SPANXN3: variants seen among roughly 807,000 people sequenced by gnomAD.
The protein encoded by SPANXN3 is sperm protein associated with the nucleus on the X chromosome N3.
In SPANXN3, 1 loss-of-function variant was observed where a neutral mutation model predicts 1.9. That is an observed-to-expected ratio of 0.54 (90% confidence interval 0.19 to 2.54). SPANXN3 has a LOEUF of 2.54. Among genes scored for constraint, SPANXN3 ranks in the 30% most tolerant of loss-of-function variants. SPANXN3 has a pLI of 0.24. For missense variants in SPANXN3, 113 were observed against 96.2 expected (o/e 1.17, Z -0.73); for synonymous variants, 47 against 40.0 (o/e 1.17, Z -0.66).
In SPANXN3 at chrX:143,508,893, G is replaced by T. The variant is rs782433180; in HGVS notation, c.348C>A (p.Asp116Glu). 2 of 1,210,093 alleles carry T rather than the reference G, an allele frequency of 1.7e-6. No individual in the cohort carries two copies. The highest frequency in any genetic ancestry group is 2.2e-6 in the Non-Finnish European group (2 of 895,150). The stretch of plus-strand genomic sequence containing the variant: ...CCTCCTGTGAGGATCCTTCAGATGA[G>T]TCTAGATCTTTGTCCTCCTTTGAAG... Reference protein sequence around the residue: ...EGPSKEDKDLDSSEGSSQEDE... With the variant: ...EGPSKEDKDLESSEGSSQEDE... Residue 116 changes from aspartate to glutamate, a missense_variant, in exon 2 of 2, where the codon GAC becomes GAA. Coordinates refer to ENST00000370503, the MANE Select transcript of SPANXN3 (RefSeq NM_001009609.4).
In SPANXN3 at chrX:143,508,971, G is replaced by T; in HGVS notation, c.270C>A (p.Asp90Glu). ...CCTCATTTGAAGATCCTTCAGATAAGTCTACGCCTTCGTCCTCCTCCTTTT... is the reference window on the plus strand; with the variant it reads ...CCTCATTTGAAGATCCTTCAGATAATTCTACGCCTTCGTCCTCCTCCTTTT... ...PIQKEEDEGV[D>E]LSEGSSNEDE... The change falls in exon 2 of 2, where the codon GAC (aspartate) becomes GAA (glutamate). Residue 90 changes from aspartate (D) to glutamate (E), a missense_variant. Transcript: ENST00000370503. The T allele has an allele frequency of 8.3e-7, 1 of 1,212,064 alleles. No individual in the cohort carries two copies. Among genetic ancestry groups the T allele is most frequent in the Non-Finnish European group, 1.1e-6 (1 of 895,591 alleles).
chrX:143,512,534 G>T (rs1556411900), intron 1 of SPANXN3, among the ~76,000 whole-genome samples: 1 of 111,258 alleles, frequency 9.0e-6, no homozygotes, highest in African/African-American at 3.3e-5. Flanking sequence ...TCTCCAAGTT[G>T]TTGACCAGGC....
chrX:143,512,455 T>C (rs1556411886), intron 1 of SPANXN3, among the ~76,000 whole-genome samples: 2 of 111,588 alleles, frequency 1.8e-5, no homozygotes, highest in Non-Finnish European at 3.8e-5. Flanking sequence ...TCAAGCCTGT[T>C]AACTCTCCCC....
Position 143,510,897 on chromosome X carries a change from G to A in SPANXN3, c.79-1735C>T, listed in dbSNP as rs782718520. ...TTCTCCACCTCAAACCAGGTCTCAC[G>A]CCCAACGCTCTTTTGCCGAAAACCA... On this transcript the variant is annotated intron_variant, in intron 1 of 1. Coordinates refer to ENST00000370503, the MANE Select transcript of SPANXN3 (RefSeq NM_001009609.4). Among the ~76,000 whole-genome samples, 7 of 107,636 alleles carry A rather than the reference G, an allele frequency of 6.5e-5. No individual in the cohort carries two copies. The South Asian group carries it at 1.3e-3, about 20-fold the overall frequency. 93.5% of individuals were successfully genotyped at this position (107,636 alleles called of 115,157 possible).
chrX:143,510,981 G>C (rs1556411636), intron 1 of SPANXN3, among the ~76,000 whole-genome samples: 1 of 111,732 alleles, frequency 8.9e-6, no homozygotes, highest in African/African-American at 3.3e-5. Context: ...AAGGACTGAA[G>C]GCATAATCTG....
chrX:143,515,217 C>T (rs1249400692), intron 1 of SPANXN3, among the ~76,000 whole-genome samples: 1 of 110,838 alleles, frequency 9.0e-6, no homozygotes, highest in Admixed American at 9.6e-5. Flanking sequence ...CTAACTACTC[C>T]GACTGGGGCA....
rs187038255 is a variant in SPANXN3, at chrX:143,515,756, A to G, written c.78+1558T>C. ...CAGCCCTTCCTGTCAACCTGGCCAC[A>G]TGAACTCGGTCCAAAATAAGCCTGC... On this transcript the variant is annotated intron_variant, in intron 1 of 1. Coordinates refer to ENST00000370503, the MANE Select transcript of SPANXN3 (RefSeq NM_001009609.4). 4.9e-3 allele frequency among the ~76,000 whole-genome samples: 547 copies of G among 111,083 alleles called. 6 individuals carry two copies. The highest frequency in any genetic ancestry group is 0.016 in the African/African-American group (495 of 30,498).
chrX:143,514,036 T>C lies in SPANXN3; in HGVS notation c.78+3278A>G, dbSNP rs182820955. ...AGGGTTTCCTAACTACAAAAGGAAC[T>C]CCCATAAGAAATGGCAAACTTATAC... On this transcript the variant is annotated intron_variant, in intron 1 of 1. Transcript: ENST00000370503. Among the ~76,000 whole-genome samples the C allele has an allele frequency of 1.8e-4, 20 of 112,010 alleles. No individual in the cohort carries two copies. The Admixed American group carries it at 1.8e-3, about 10-fold the overall frequency.
intron 1 of SPANXN3, among the ~76,000 whole-genome samples, chrX:143,509,444 C>T (rs1426599062): frequency 9.0e-6 from 1 of 111,672 alleles, no homozygotes; most frequent in Non-Finnish European, 1.9e-5. Context: ...CCATGAGCAA[C>T]ATCCTGCCTA....
chrX:143,513,800 G>A lies in SPANXN3; in HGVS notation c.78+3514C>T, dbSNP rs138137678. Among the ~76,000 whole-genome samples the A allele has an allele frequency of 7.8e-3, 869 of 111,751 alleles. 19 individuals carry two copies. The highest frequency in any genetic ancestry group is 0.027 in the African/African-American group (831 of 30,689). On this transcript the variant is annotated intron_variant, in intron 1 of 1. Transcript: ENST00000370503. ...GTTAGTTAATGGAAGCTCTTTTAGG[G>A]AGCCATGTCCAGCAGCTGGCTATTC...
At chrX:143,516,078 G>T in intron 1 of SPANXN3, among the ~76,000 whole-genome samples, 1 of 111,720 alleles carries the variant, frequency 9.0e-6, no homozygotes, top group Middle Eastern at 4.6e-3. Context: ...CCCTGTCAGG[G>T]CTACAATGGC....
At chrX:143,511,562 G>A (rs1293239051) in intron 1 of SPANXN3, among the ~76,000 whole-genome samples, 10 of 111,368 alleles carry the variant, frequency 9.0e-5, no homozygotes, top group African/African-American at 2.9e-4. Flanking sequence ...AGATTAGAGA[G>A]GAAGAACTAA....
Position 143,508,787 on chromosome X carries a change from T to C in SPANXN3, c.*28A>G. 8.9e-7 allele frequency: 1 copy of C among 1,125,436 alleles called. No homozygotes were observed. Among genetic ancestry groups the C allele is most frequent in the Admixed American group, 2.3e-5 (1 of 43,391 alleles). The allele number at this position is 1,125,436 out of a possible 1,213,427, so 92.7% of individuals were successfully genotyped here. A position where few individuals can be genotyped will look rare whatever the true frequency, so the allele number is the denominator to read the frequency against. On this transcript the variant is annotated 3_prime_UTR_variant, in exon 2 of 2. Coordinates refer to ENST00000370503, the MANE Select transcript of SPANXN3 (RefSeq NM_001009609.4). The stretch of plus-strand genomic sequence containing the variant: ...AATCATCGCCATCAGTGGTGATGAT[T>C]TGTCCAATTTGGTTTCTCCATGTGT...
intron 1 of SPANXN3, among the ~76,000 whole-genome samples, chrX:143,515,650 C>A (rs5955059): frequency 0.097 from 10,619 of 109,648 alleles, 453 homozygotes; most frequent in African/African-American, 0.16. Context: ...ATCAGCCTCA[C>A]ACCTTTCCTC....
At chrX:143,511,562 G>C (rs1293239051) in intron 1 of SPANXN3, among the ~76,000 whole-genome samples, 2 of 111,368 alleles carry the variant, frequency 1.8e-5, no homozygotes, top group African/African-American at 6.5e-5. Context: ...AGATTAGAGA[G>C]GAAGAACTAA....
chrX:143,515,014 A>G (rs1369647220), intron 1 of SPANXN3, among the ~76,000 whole-genome samples: 2 of 110,558 alleles, frequency 1.8e-5, no homozygotes, highest in Non-Finnish European at 3.8e-5. Flanking sequence ...CCCATTCTAT[A>G]TGGAATACTT....
intron 1 of SPANXN3, among the ~76,000 whole-genome samples, chrX:143,514,968 G>A (rs781816771): frequency 2.4e-4 from 27 of 111,039 alleles, no homozygotes; most frequent in Middle Eastern, 4.6e-3. Flanking sequence ...ATGTACAAAT[G>A]CCCTTTTATC....
At chrX:143,510,798 T>A (rs1332964960) in intron 1 of SPANXN3, among the ~76,000 whole-genome samples, 5 of 108,737 alleles carry the variant, frequency 4.6e-5, no homozygotes, top group African/African-American at 1.7e-4. Context: ...GCTCCTGCCC[T>A]CTCCCATTCC....
chrX:143,512,851 CCTT>C (rs1365738859), intron 1 of SPANXN3, among the ~76,000 whole-genome samples: 1 of 110,993 alleles, frequency 9.0e-6, no homozygotes, highest in African/African-American at 3.3e-5. Context: ...ATGTCAAACT[CCTT>C]CTCTGTAGCC....
Sources: gnomAD v4.1 joint callset for allele counts (sites outside exome capture counted in the v4.1 genomes callset) on GRCh38, gnomAD v4.1.1 for gene constraint, MANE v1.5 for transcripts, NCBI Gene and HGNC (gene_info 2026-07-23, HGNC 2026-07-21) for gene names.